PTCHD4: variants seen among roughly 807,000 people sequenced by gnomAD.
PTCHD4 encodes the protein patched domain containing 4, also known as patched domain-containing protein 4.
PTCHD4 carries 33 observed loss-of-function variants against 58.1 expected under a neutral mutation model. The observed-to-expected ratio is 0.57, with a 90% CI of 0.43 to 0.76. The LOEUF (loss-of-function observed/expected upper bound fraction) is 0.76. PTCHD4 is among the 30% of genes least tolerant of loss of function. The pLI, the probability that PTCHD4 is intolerant of heterozygous loss-of-function variation, is 0.00. For missense variants in PTCHD4, 1,058 were observed against 1,027.1 expected, an observed-to-expected ratio of 1.03 and a Z score of -0.41; for synonymous variants, 478 against 409.6, an observed-to-expected ratio of 1.17 and a Z score of -2.02.
At chr6:48,014,711 T>C (rs1762807979) in intron 3 of PTCHD4, among the ~76,000 whole-genome samples, 1 of 152,182 alleles carries the variant, frequency 6.6e-6, no homozygotes, top group African/African-American at 2.4e-5. Context: ...TTATAACTAA[T>C]AGAGTCATTA....
chr6:47,958,500 C>T (rs954107016), intron 4 of PTCHD4, among the ~76,000 whole-genome samples: 1 of 152,186 alleles, frequency 6.6e-6, no homozygotes, highest in Non-Finnish European at 1.5e-5. Flanking sequence ...AGATCATTGC[C>T]TCGAGAGAGT....
chr6:47,927,521 G>T (rs191398751), intron 4 of PTCHD4, among the ~76,000 whole-genome samples: 41 of 152,204 alleles, frequency 2.7e-4, no homozygotes, highest in Non-Finnish European at 5.6e-4. Flanking sequence ...TTTAATCTAA[G>T]TGATACAAGA....
In PTCHD4 at chr6:47,865,330, T is replaced by C. The variant is rs1275723735; in HGVS notation, c.*12973A>G. ...AAACCATTTTTCCCCAAGTTAGATA[T>C]GCAGAAAACCAAATCAACTGTTCTG... On this transcript the variant is annotated 3_prime_UTR_variant, in exon 5 of 5. Coordinates refer to ENST00000339488, the MANE Select transcript of PTCHD4 (RefSeq NM_001384253.1). 2.6e-5 allele frequency among the ~76,000 whole-genome samples: 4 copies of C among 151,946 alleles called. No individual in the cohort carries two copies. Among genetic ancestry groups the C allele is most frequent in the Non-Finnish European group, 5.9e-5 (4 of 67,914 alleles).
chr6:47,942,363 A>T (rs111498267), intron 4 of PTCHD4, among the ~76,000 whole-genome samples: 20 of 152,344 alleles, frequency 1.3e-4, no homozygotes, highest in African/African-American at 4.6e-4. Context: ...CTTGCTTATA[A>T]AAACCCATGA....
chr6:47,903,302 C>A (rs570463682), intron 4 of PTCHD4, among the ~76,000 whole-genome samples: 47 of 119,904 alleles, frequency 3.9e-4, no homozygotes, highest in South Asian at 1.9e-3. Context: ...TTAATTAATT[C>A]ATTCATTCTT....
intron 1 of PTCHD4, among the ~76,000 whole-genome samples, chr6:48,105,059 C>G (rs1765689826): frequency 6.6e-6 from 1 of 152,158 alleles, no homozygotes; most frequent in South Asian, 2.1e-4. Context: ...AGAAAGTTAA[C>G]AAGGATATCC....
intron 4 of PTCHD4, among the ~76,000 whole-genome samples, chr6:47,976,771 T>C (rs570259499): frequency 3.3e-5 from 5 of 151,796 alleles, no homozygotes; most frequent in Non-Finnish European, 7.4e-5. Context: ...ATAGATAATT[T>C]ACAGAAGAAA....
chr6:48,059,532 G>A (rs543818431), intron 3 of PTCHD4, among the ~76,000 whole-genome samples: 32 of 152,112 alleles, frequency 2.1e-4, no homozygotes, highest in Admixed American at 1.5e-3. Flanking sequence ...ACAGCTACTC[G>A]GGAGGCTGAG....
chr6:48,006,428 C>A (rs1433279140), intron 4 of PTCHD4, among the ~76,000 whole-genome samples: 1 of 152,098 alleles, frequency 6.6e-6, no homozygotes, highest in Admixed American at 6.5e-5. Context: ...CTTTCATTAC[C>A]TAATTAGTTC....
chr6:47,918,983 A>T (rs1351671710), intron 4 of PTCHD4, among the ~76,000 whole-genome samples: 3 of 152,126 alleles, frequency 2.0e-5, no homozygotes, highest in Non-Finnish European at 4.4e-5. Context: ...TGAACTAGTT[A>T]GATTAGACCG....
At chr6:47,945,378 C>T (rs1766376619) in intron 4 of PTCHD4, among the ~76,000 whole-genome samples, 1 of 152,000 alleles carries the variant, frequency 6.6e-6, no homozygotes, top group South Asian at 2.1e-4. Flanking sequence ...AAACTAACAC[C>T]TGTGTACACC....
chr6:47,950,872 C>A (rs570397409), intron 4 of PTCHD4, among the ~76,000 whole-genome samples: 17 of 152,150 alleles, frequency 1.1e-4, no homozygotes, highest in East Asian at 5.8e-4. Context: ...TGGTTAGTAT[C>A]AAAAACTCAA....
chr6:47,940,106 A>C (rs895880496), intron 4 of PTCHD4, among the ~76,000 whole-genome samples: 2 of 152,128 alleles, frequency 1.3e-5, no homozygotes, highest in Admixed American at 1.3e-4. Context: ...TTTTCTGCAA[A>C]GGTCCCTTAT....
chr6:47,989,692 C>T (rs1396613889), intron 4 of PTCHD4, among the ~76,000 whole-genome samples: 1 of 152,188 alleles, frequency 6.6e-6, no homozygotes, highest in Non-Finnish European at 1.5e-5. Context: ...GAGCCTCTGA[C>T]TAGGTTTCGG....
intron 4 of PTCHD4, among the ~76,000 whole-genome samples, chr6:47,978,614 T>C (rs2114004511): frequency 6.6e-6 from 1 of 152,284 alleles, no homozygotes; most frequent in South Asian, 2.1e-4. Context: ...CTTCCTATGT[T>C]CCAGGTATTA....
chr6:48,026,246 C>T (rs1169128774), intron 3 of PTCHD4, among the ~76,000 whole-genome samples: 2 of 152,118 alleles, frequency 1.3e-5, no homozygotes, highest in Non-Finnish European at 2.9e-5. Context: ...AGTCTTTCTT[C>T]CTGGCTGGCT....
chr6:47,887,399 T>A (rs1192646323), intron 4 of PTCHD4, among the ~76,000 whole-genome samples: 5 of 152,076 alleles, frequency 3.3e-5, no homozygotes, highest in Non-Finnish European at 7.4e-5. Flanking sequence ...ATGGGTTTTG[T>A]GAAATAGATA....
chr6:48,055,410 A>C (rs1305973283), intron 3 of PTCHD4, among the ~76,000 whole-genome samples: 1 of 152,156 alleles, frequency 6.6e-6, no homozygotes, highest in Non-Finnish European at 1.5e-5. Flanking sequence ...TTACCAAAAT[A>C]TTTTTCAATC....
rs1327104551 is a variant in PTCHD4 at position 48,068,468 on chromosome 6, C to G, written c.179G>C (p.Arg60Pro). Residue 60 changes from arginine (R) to proline (P), a missense_variant, in exon 3 of 5, where the codon CGC becomes CCC. By Grantham distance (103) the Arg-to-Pro change is moderately radical. Coordinates refer to ENST00000339488, the MANE Select transcript of PTCHD4 (RefSeq NM_001384253.1). This position sits in a 1 kb window ranked among gnomAD's most constrained non-coding sequence, Gnocchi z 4.2. ...TITFGLSALNRFQPEGDLERL... is the reference protein window; with the variant it reads ...TITFGLSALNPFQPEGDLERL... ...CTCCAGGTCGCCCTCGGGCTGGAAG[C>G]GGTTGAGCGCGCTGAGGCCGAAGGT... The G allele has an allele frequency of 1.2e-6, 2 of 1,613,620 alleles. No homozygotes were observed. The highest frequency in any genetic ancestry group is 4.5e-5 in the East Asian group (2 of 44,838).
Sources: allele counts gnomAD v4.1 joint callset (sites outside exome capture counted in the v4.1 genomes callset), GRCh38; gene constraint gnomAD v4.1.1; non-coding constraint Gnocchi (gnomAD v3.1); transcripts MANE v1.5; gene names NCBI Gene and HGNC (gene_info 2026-07-23, HGNC 2026-07-21).